ZNRF3: variants seen among roughly 807,000 people sequenced by gnomAD.
ZNRF3 encodes the protein zinc and ring finger 3.
In ZNRF3, 23 loss-of-function variants were observed where a neutral mutation model predicts 72.5. That is an observed-to-expected ratio of 0.32 (90% CI 0.23 to 0.45). The LOEUF is 0.45. ZNRF3 is among the 20% of genes least tolerant of loss of function. The pLI, the probability that ZNRF3 is intolerant of heterozygous loss-of-function variation, is 1.00. For missense variants in ZNRF3, 1,169 were observed against 1,272.1 expected (o/e 0.92, Z 1.23); for synonymous variants, 610 against 545.3 (o/e 1.12, Z -1.65).
chr22:29,003,238 T>C lies in ZNRF3; in HGVS notation c.426+16037T>C, dbSNP rs144490181. 7.8e-3 allele frequency among the ~76,000 whole-genome samples: 1,188 copies of C among 152,276 alleles called. 8 individuals carry two copies. The highest frequency in any genetic ancestry group is 0.012 in the Non-Finnish European group (785 of 68,014). On this transcript the variant is annotated intron_variant, in intron 2 of 8. Coordinates refer to ENST00000544604, the MANE Select transcript of ZNRF3 (RefSeq NM_001206998.2). Reference sequence around the variant, plus strand: ...CAAAATAGAATCCATTTGTTTTGGCTGGGCGCAGTGGCTCATGTCTGTAAT... The same window carrying C: ...CAAAATAGAATCCATTTGTTTTGGCCGGGCGCAGTGGCTCATGTCTGTAAT...
intron 1 of ZNRF3, among the ~76,000 whole-genome samples, chr22:28,927,761 G>A (rs898462160): frequency 3.4e-4 from 51 of 152,212 alleles, no homozygotes; most frequent in African/African-American, 1.2e-3. Context: ...ATTCCAGCCT[G>A]TGGCTTCCCT....
At chr22:28,938,592 G>C (rs911837488) in intron 1 of ZNRF3, among the ~76,000 whole-genome samples, 3 of 152,166 alleles carry the variant, frequency 2.0e-5, no homozygotes, top group Non-Finnish European at 4.4e-5. Flanking sequence ...CTTTCTAGCT[G>C]AAGCAGGCTG....
At chr22:29,036,881 A>G (rs1237260737) in intron 2 of ZNRF3, among the ~76,000 whole-genome samples, 1 of 152,228 alleles carries the variant, frequency 6.6e-6, no homozygotes, top group Non-Finnish European at 1.5e-5. Context: ...CTTATGATAA[A>G]GAAAAAAAGC....
intron 2 of ZNRF3, among the ~76,000 whole-genome samples, chr22:29,013,089 G>A (rs2036372307): frequency 6.6e-6 from 1 of 152,188 alleles, no homozygotes; most frequent in Non-Finnish European, 1.5e-5. Context: ...GGGAAGCCGA[G>A]TGCTGTTGAA....
At chr22:28,906,168 A>T (rs1311355295) in intron 1 of ZNRF3, among the ~76,000 whole-genome samples, 1 of 152,230 alleles carries the variant, frequency 6.6e-6, no homozygotes, top group African/African-American at 2.4e-5. Flanking sequence ...TTACAAAAAG[A>T]ATTTAAAAAT....
intron 2 of ZNRF3, among the ~76,000 whole-genome samples, chr22:29,017,246 C>G (rs1407272551): frequency 6.6e-6 from 1 of 152,218 alleles, no homozygotes; most frequent in African/African-American, 2.4e-5. Flanking sequence ...GAAGGTCTGG[C>G]AGTGCTGGTG....
chr22:28,893,872 T>C (rs1420366463), intron 1 of ZNRF3, among the ~76,000 whole-genome samples: 1 of 152,220 alleles, frequency 6.6e-6, no homozygotes, highest in Non-Finnish European at 1.5e-5. Flanking sequence ...TTGAGGCTTT[T>C]GCTACATATT....
chr22:28,985,862 C>T lies in ZNRF3; in HGVS notation c.301-1214C>T, dbSNP rs575437168. 5.9e-3 allele frequency among the ~76,000 whole-genome samples: 905 copies of T among 152,314 alleles called. 3 individuals are homozygous for T. Among genetic ancestry groups the T allele is most frequent in the Admixed American group, 9.5e-3 (145 of 15,290 alleles). ...TCTTACAGTTCTGGAGGTCAGAAGT[C>T]CCAAACAGGTCTTCAGGGCTACATT... is the stretch of plus-strand genomic sequence containing the variant. On this transcript the variant is annotated intron_variant, in intron 1 of 8. Transcript: ENST00000544604.
chr22:28,940,990 C>T (rs185013187), intron 1 of ZNRF3, among the ~76,000 whole-genome samples: 12 of 152,050 alleles, frequency 7.9e-5, no homozygotes, highest in African/African-American at 1.2e-4. Flanking sequence ...CCTTTTTGGA[C>T]GTCAGTTCTC....
chr22:29,042,360 G>A, intron 2 of ZNRF3, 135 bp from the exon 3 acceptor site: 1 of 632,830 alleles, frequency 1.6e-6, no homozygotes, highest in South Asian at 2.1e-5. Flanking sequence ...TTAGGAAAGT[G>A]AAGTAACATC....
intron 1 of ZNRF3, among the ~76,000 whole-genome samples, chr22:28,895,263 T>A (rs2033969765): frequency 6.6e-6 from 1 of 152,196 alleles, no homozygotes; most frequent in Admixed American, 6.5e-5. Context: ...GGTGTAGGTG[T>A]TGAAGGCTGA....
At chr22:29,032,005 T>C (rs1434249001) in intron 2 of ZNRF3, among the ~76,000 whole-genome samples, 1 of 152,172 alleles carries the variant, frequency 6.6e-6, no homozygotes, top group Non-Finnish European at 1.5e-5. Flanking sequence ...GTGGTAGAAT[T>C]TGCCACCAGT....
chr22:29,042,632 C>A, intron 3 of ZNRF3, 63 bp downstream of exon 3: 1 of 1,465,152 alleles, frequency 6.8e-7, no homozygotes, highest in Non-Finnish European at 9.5e-7. Flanking sequence ...CTTTAGTGAG[C>A]TTGGCTTGTC....
intron 2 of ZNRF3, among the ~76,000 whole-genome samples, chr22:29,023,951 T>G (rs979454357): frequency 6.6e-6 from 1 of 152,150 alleles, no homozygotes; most frequent in African/African-American, 2.4e-5. Context: ...CTCTCTCCAC[T>G]TACCCACAAA....
chr22:28,963,648 A>T (rs909489811), intron 1 of ZNRF3, among the ~76,000 whole-genome samples: 36 of 152,146 alleles, frequency 2.4e-4, no homozygotes, highest in African/African-American at 7.5e-4. Context: ...TAATGACATA[A>T]TGTCTGAGCT....
At chr22:29,004,799 C>T (rs1472883494) in intron 2 of ZNRF3, among the ~76,000 whole-genome samples, 2 of 152,196 alleles carry the variant, frequency 1.3e-5, no homozygotes, top group Non-Finnish European at 2.9e-5. Flanking sequence ...CGGTTCCAGT[C>T]CCTGCTGCCA....
chr22:28,892,339 C>T (rs2033904437), intron 1 of ZNRF3, among the ~76,000 whole-genome samples: 1 of 152,192 alleles, frequency 6.6e-6, no homozygotes, highest in Non-Finnish European at 1.5e-5. Context: ...CATGTCCTAT[C>T]TGGTAGGAAA....
intron 1 of ZNRF3, among the ~76,000 whole-genome samples, chr22:28,938,194 C>T (rs994402749): frequency 1.9e-4 from 29 of 151,678 alleles, no homozygotes; most frequent in African/African-American, 7.0e-4. Flanking sequence ...TGTAATTATG[C>T]ACACACACCC....
At chr22:28,983,091 G>A (rs972446506) in intron 1 of ZNRF3, among the ~76,000 whole-genome samples, 8 of 152,134 alleles carry the variant, frequency 5.3e-5, no homozygotes, top group African/African-American at 1.4e-4. Context: ...AGGGTAAAGC[G>A]TCCCTCCCAC....
Sources: gnomAD v4.1 joint callset for allele counts (sites outside exome capture counted in the v4.1 genomes callset) on GRCh38, gnomAD v4.1.1 for gene constraint, MANE v1.5 for transcripts, NCBI Gene and HGNC (gene_info 2026-07-23, HGNC 2026-07-21) for gene names.